Variants in CUBN observed in about 807,000 individuals in gnomAD.
The protein encoded by CUBN is 460 kDa receptor.
Under a neutral mutation model 405.3 loss-of-function variants are expected in CUBN, and 282 were observed. The ratio of observed to expected loss-of-function variants is 0.70; its 90% confidence interval spans 0.63 to 0.77. The LOEUF (loss-of-function observed/expected upper bound fraction) is 0.77. Ranked by LOEUF, CUBN falls within the 30% of genes least tolerant of loss-of-function variation. The probability of loss-of-function intolerance (pLI) is 0.00; values close to 1 mark genes in which losing one functional copy is unlikely to be tolerated. For synonymous variants in CUBN, 1,684 were observed against 1,617.0 expected (o/e 1.04, Z -0.99); for missense variants, 4,514 against 4,475.2 (o/e 1.01, Z -0.25).
In CUBN at chr10:16,901,338, A is replaced by C. The variant is rs1257940626; in HGVS notation, c.8184T>G (p.Thr2728=). 6 of 1,614,034 alleles carry C rather than the reference A, an allele frequency of 3.7e-6. No homozygotes were observed. The highest frequency in any genetic ancestry group is 5.1e-6 in the Non-Finnish European group (6 of 1,179,990). Residue 2728 remains threonine, a splice_region_variant and synonymous_variant, in exon 52 of 67, where the codon ACT becomes ACG. Coordinates refer to ENST00000377833, the MANE Select transcript of CUBN (RefSeq NM_001081.4). ...LLEAPQGHTI[T]LTFSDFDIEP... ...ATTTCACCCAGTCATTAGCACTCAC[A>C]GTGATGGTGTGCCCTTGTGGGGCCT...
At chr10:17,031,861 C>T (rs1181640540) in intron 27 of CUBN, among the ~76,000 whole-genome samples, 3 of 152,206 alleles carry the variant, frequency 2.0e-5, no homozygotes, top group African/African-American at 7.2e-5. Flanking sequence ...CCAGCAGTGA[C>T]GTGCACTGCA....
At chr10:16,963,452 G>A (rs1345310887) in intron 31 of CUBN, among the ~76,000 whole-genome samples, 2 of 151,892 alleles carry the variant, frequency 1.3e-5, no homozygotes, top group Non-Finnish European at 2.9e-5. Flanking sequence ...CTCCCAAAGT[G>A]CTGGGATTAC....
intron 6 of CUBN, among the ~76,000 whole-genome samples, chr10:17,119,241 T>C (rs7898283): frequency 0.61 from 92,162 of 152,114 alleles, 29,191 homozygotes; most frequent in Non-Finnish European, 0.71. Context: ...ATCATGTTTC[T>C]GGAAAACCAG....
chr10:16,881,566 A>G (rs546842606), intron 56 of CUBN, among the ~76,000 whole-genome samples: 1 of 152,348 alleles, frequency 6.6e-6, no homozygotes, highest in African/African-American at 2.4e-5. Flanking sequence ...TCAACTAACT[A>G]AACAAATTAT....
chr10:16,906,419 CAG>C lies in CUBN; in HGVS notation c.7706-12_7706-11del. On this transcript the variant is annotated splice_polypyrimidine_tract_variant and intron_variant, in intron 49 of 66. Transcript: ENST00000377833. Reference sequence around the variant, plus strand: ...AGAGACCCACCACACACTAAGAAAACAGAAGGCAACAGAGAAAGTAGTAGTAA... The same window carrying C: ...AGAGACCCACCACACACTAAGAAAACAAGGCAACAGAGAAAGTAGTAGTAA... 2 of 1,578,600 alleles carry C rather than the reference CAG, an allele frequency of 1.3e-6. No individual in the cohort carries two copies. The highest frequency in any genetic ancestry group is 1.1e-5 in the South Asian group (1 of 90,296).
rs866725765 is a variant in CUBN, at chr10:16,888,731, A to G, written c.8756-165T>C. Among the ~76,000 whole-genome samples, 14 of 152,338 alleles carry G rather than the reference A, an allele frequency of 9.2e-5. No individual in the cohort carries two copies. In the South Asian group the frequency reaches 2.1e-3, roughly 23 times the overall value. On this transcript the variant is annotated intron_variant, in intron 55 of 66. Coordinates refer to ENST00000377833, the MANE Select transcript of CUBN (RefSeq NM_001081.4). ...GAGAATAAAGCTCTGATTTAAAAAC[A>G]TACATATGTGCTTAATAAGAATATT...
chr10:17,048,781 T>G (rs1195645488), intron 22 of CUBN, among the ~76,000 whole-genome samples: 1 of 152,166 alleles, frequency 6.6e-6, no homozygotes, highest in East Asian at 1.9e-4. Context: ...AAAATAATAA[T>G]AATAATAATA....
intron 41 of CUBN, among the ~76,000 whole-genome samples, chr10:16,927,787 T>G (rs1286196625): frequency 6.6e-6 from 1 of 152,248 alleles, no homozygotes; most frequent in Non-Finnish European, 1.5e-5. Flanking sequence ...GAATAAATGA[T>G]GACGTTTTGC....
Position 16,984,274 on chromosome 10 carries a change from A to G in CUBN, c.4356T>C (p.Tyr1452=), listed in dbSNP as rs772046772. The part of the protein sequence containing the change: ...SRCNFDVLEI[Y]GGPDFHSPRI... The stretch of plus-strand genomic sequence containing the variant: ...TGGGAGAGTGGAAATCGGGGCCTCC[A>G]TAGATCTAACATGGGATGTAGGAAA... Residue 1452 remains tyrosine (Y), a synonymous_variant, in exon 30 of 67, where the codon TAT becomes TAC. Coordinates refer to ENST00000377833, the MANE Select transcript of CUBN (RefSeq NM_001081.4). The G allele has an allele frequency of 5.6e-6, 9 of 1,613,972 alleles. No individual in the cohort carries two copies. Among genetic ancestry groups the G allele is most frequent in the Non-Finnish European group, 7.6e-6 (9 of 1,179,958 alleles).
intron 58 of CUBN, among the ~76,000 whole-genome samples, chr10:16,873,733 A>AG (rs1474720840): frequency 6.6e-5 from 10 of 151,718 alleles, no homozygotes; most frequent in South Asian, 2.1e-4. Context: ...AAAAAAAAAA[A>AG]AAAAGAAAAG....
chr10:16,965,819 CTT>C (rs1843376698), intron 31 of CUBN: 1 of 355,936 alleles, frequency 2.8e-6, no homozygotes, highest in Non-Finnish European at 5.6e-6. Flanking sequence ...CTGATAGGTA[CTT>C]AAATACATTT....
chr10:17,011,087 A>C (rs1834166316), intron 28 of CUBN, among the ~76,000 whole-genome samples: 1 of 152,154 alleles, frequency 6.6e-6, no homozygotes, highest in South Asian at 2.1e-4. Context: ...TTTCCAGTTG[A>C]TTGAAATACA....
chr10:16,888,641 A>C, intron 55 of CUBN, 75 bp from the exon 56 acceptor site: 5 of 1,261,968 alleles, frequency 4.0e-6, no homozygotes, highest in Non-Finnish European at 4.6e-6. Context: ...GGAAAGAGGC[A>C]TTTTCCTAAA....
chr10:17,116,772 G>C (rs914003073), intron 6 of CUBN, among the ~76,000 whole-genome samples: 19 of 152,150 alleles, frequency 1.2e-4, no homozygotes, highest in Admixed American at 1.0e-3. Context: ...CCAATTGCTG[G>C]GGTGGCAGCT....
chr10:16,837,967 A>G (rs1839224015), intron 62 of CUBN, among the ~76,000 whole-genome samples: 1 of 152,136 alleles, frequency 6.6e-6, no homozygotes, highest in African/African-American at 2.4e-5. Context: ...CCATTGTCTT[A>G]GCTTCGTGAA....
intron 65 of CUBN, among the ~76,000 whole-genome samples, chr10:16,829,277 A>G (rs1838894784): frequency 6.6e-6 from 1 of 150,854 alleles, no homozygotes; most frequent in African/African-American, 2.4e-5. Flanking sequence ...TTGCCTGCAT[A>G]TCACAACCCA....
intron 28 of CUBN, among the ~76,000 whole-genome samples, chr10:17,015,095 T>C (rs142941964): frequency 2.0e-4 from 31 of 152,362 alleles, no homozygotes; most frequent in African/African-American, 7.0e-4. Flanking sequence ...AATTGGGGTG[T>C]TGCAGGGACT....
chr10:16,962,133 G>A (rs1272934721), intron 31 of CUBN, among the ~76,000 whole-genome samples: 3 of 152,166 alleles, frequency 2.0e-5, no homozygotes, highest in Non-Finnish European at 2.9e-5. Context: ...TTTCTCATCT[G>A]TTGCTAAATT....
chr10:16,933,316 G>C, intron 39 of CUBN, 32 bp from the exon 40 acceptor site: 1 of 1,598,306 alleles, frequency 6.3e-7, no homozygotes, highest in Non-Finnish European at 8.6e-7. Context: ...CTTTGACACA[G>C]CCCTAATGGA....
Sources: gnomAD v4.1 joint callset for allele counts (sites outside exome capture counted in the v4.1 genomes callset) on GRCh38, gnomAD v4.1.1 for gene constraint, MANE v1.5 for transcripts, NCBI Gene and HGNC (gene_info 2026-07-23, HGNC 2026-07-21) for gene names.